MAGI1: variants seen among roughly 807,000 people sequenced by gnomAD.
The protein encoded by MAGI1 is membrane-associated guanylate kinase, WW and PDZ domain-containing protein 1.
In MAGI1, 58 loss-of-function variants were observed where a neutral mutation model predicts 139.9. The ratio of observed to expected loss-of-function variants is 0.41; its 90% CI spans 0.34 to 0.52. The LOEUF is 0.52. MAGI1 is among the 20% of genes least tolerant of loss of function. The pLI, the probability that MAGI1 is intolerant of heterozygous loss-of-function variation, is 0.12. For missense variants in MAGI1, 1,874 were observed against 1,901.6 expected, an observed-to-expected ratio of 0.99 and a Z score of 0.27; for synonymous variants, 812 against 737.9, an observed-to-expected ratio of 1.10 and a Z score of -1.63.
intron 2 of MAGI1, among the ~76,000 whole-genome samples, chr3:65,507,079 T>C (rs561049295): frequency 5.9e-5 from 9 of 152,224 alleles, no homozygotes; most frequent in African/African-American, 2.2e-4. Context: ...ATATAACTTC[T>C]TGAAAAAATA....
At position 65,431,929 on chromosome 3, in the gene MAGI1, G is replaced by T. The variant is rs550958649; in HGVS notation, c.1364-1048C>A. On this transcript the variant is annotated intron_variant, in intron 10 of 22. Coordinates refer to ENST00000402939, the MANE Select transcript of MAGI1 (RefSeq NM_001033057.2). ...AATCACTTGAATCCAGGAGGTAGAG[G>T]TTGCAGTGAGCTGAGATTGCGCCAT... Among the ~76,000 whole-genome samples the T allele has an allele frequency of 5.3e-5, 8 of 152,196 alleles. No individual in the cohort carries two copies. The South Asian group carries it at 1.5e-3, about 28-fold the overall frequency.
At chr3:65,764,243 T>C (rs2037291183) in intron 1 of MAGI1, among the ~76,000 whole-genome samples, 1 of 151,928 alleles carries the variant, frequency 6.6e-6, no homozygotes, top group African/African-American at 2.4e-5. Flanking sequence ...AAAAAGAATG[T>C]AGACGTGAAA....
chr3:65,461,644 A>G, intron 5 of MAGI1, among the ~76,000 whole-genome samples: 1 of 151,186 alleles, frequency 6.6e-6, no homozygotes, highest in East Asian at 2.0e-4. Flanking sequence ...GCCCGCCACC[A>G]CGCCTGGCTA....
At chr3:65,597,541 C>T (rs1380481698) in intron 2 of MAGI1, 4 of 408,500 alleles carry the variant, frequency 9.8e-6, no homozygotes, top group Non-Finnish European at 2.0e-5. Flanking sequence ...CCAAACGGGC[C>T]TGCCTGGTGA....
At chr3:66,036,244 G>A (rs1559516482) in intron 1 of MAGI1, among the ~76,000 whole-genome samples, 1 of 152,202 alleles carries the variant, frequency 6.6e-6, no homozygotes, top group Non-Finnish European at 1.5e-5. Context: ...CACTTACTAT[G>A]TACAGGCACT....
Position 65,364,850 on chromosome 3 carries a change from G to C in MAGI1, c.3290+3C>G, listed in dbSNP as rs762225153. 2.5e-6 allele frequency: 4 copies of C among 1,613,822 alleles called. No individual in the cohort carries two copies. The highest frequency in any genetic ancestry group is 3.4e-6 in the Non-Finnish European group (4 of 1,179,826). On this transcript the variant is annotated splice_donor_region_variant and intron_variant, in intron 19 of 22. Coordinates refer to ENST00000402939, the MANE Select transcript of MAGI1 (RefSeq NM_001033057.2). ...TTAACAAAGGAAACCAGTCATGTCT[G>C]ACCTTGTCTCCTGGGTCCCTTGCTG...
At chr3:65,778,228 A>C (rs264116) in intron 1 of MAGI1, among the ~76,000 whole-genome samples, 1 of 151,958 alleles carries the variant, frequency 6.6e-6, no homozygotes. Context: ...TAAGGAGTTC[A>C]AGATCAGGCT....
intron 1 of MAGI1, among the ~76,000 whole-genome samples, chr3:66,027,867 T>G (rs1389204587): frequency 6.6e-6 from 1 of 152,190 alleles, no homozygotes; most frequent in Non-Finnish European, 1.5e-5. Context: ...ACTCTCTAGA[T>G]GCCAGAAGCA....
chr3:65,670,455 T>C (rs1304733463), intron 1 of MAGI1, among the ~76,000 whole-genome samples: 1 of 152,122 alleles, frequency 6.6e-6, no homozygotes, highest in Admixed American at 6.6e-5. Context: ...CTGGCTTTTA[T>C]GTAGGTTTCA....
At chr3:65,722,205 T>C (rs1400103169) in intron 1 of MAGI1, among the ~76,000 whole-genome samples, 4 of 152,174 alleles carry the variant, frequency 2.6e-5, no homozygotes, top group Non-Finnish European at 1.5e-5. Context: ...CTAAACTTAG[T>C]ATGTCGTGAT....
At chr3:65,358,959 G>C (rs532044867) in intron 22 of MAGI1, 27 of 993,536 alleles carry the variant, frequency 2.7e-5, no homozygotes, top group Non-Finnish European at 3.7e-5. Context: ...AAGAACGCAG[G>C]GTGCTCAGAA....
chr3:65,768,376 C>T (rs539729316), intron 1 of MAGI1, among the ~76,000 whole-genome samples: 10 of 152,034 alleles, frequency 6.6e-5, no homozygotes, highest in South Asian at 2.1e-4. Flanking sequence ...GCCAAGATCA[C>T]GCCACTGGAC....
In MAGI1 at chr3:65,952,120, A is replaced by AT. The variant is rs145525223; in HGVS notation, c.313+85875dup. Among the ~76,000 whole-genome samples the AT allele has an allele frequency of 4.3e-3, 655 of 152,208 alleles. 6 individuals are homozygous for AT. Among genetic ancestry groups the AT allele is most frequent in the African/African-American group, 0.015 (607 of 41,510 alleles). On this transcript the variant is annotated intron_variant, in intron 1 of 22. Coordinates refer to ENST00000402939, the MANE Select transcript of MAGI1 (RefSeq NM_001033057.2). ...TAGGGGTTAGTGAAAGTGTAGATAG[A>AT]TAACTCTTAGCCCACCCAAATTTGC...
intron 1 of MAGI1, among the ~76,000 whole-genome samples, chr3:65,897,475 G>C (rs978527394): frequency 2.0e-5 from 3 of 151,940 alleles, no homozygotes; most frequent in Admixed American, 6.6e-5. Flanking sequence ...CTGTGGGGTG[G>C]GGGGCAGGGG....
intron 12 of MAGI1, among the ~76,000 whole-genome samples, chr3:65,422,414 G>A (rs577197833): frequency 1.3e-5 from 2 of 152,100 alleles, no homozygotes; most frequent in African/African-American, 4.8e-5. Flanking sequence ...AAACAGACCC[G>A]GGTTCAGAGT....
chr3:65,634,089 C>T (rs1181089439), intron 1 of MAGI1, among the ~76,000 whole-genome samples: 1 of 152,170 alleles, frequency 6.6e-6, no homozygotes, highest in African/African-American at 2.4e-5. Flanking sequence ...AATGAGATTA[C>T]TAGTCTCATT....
intron 2 of MAGI1, among the ~76,000 whole-genome samples, chr3:65,583,733 T>C (rs913653655): frequency 3.3e-5 from 5 of 152,242 alleles, no homozygotes; most frequent in Admixed American, 1.3e-4. Flanking sequence ...TGAAGAAGAA[T>C]AGGGCTCTTT....
At chr3:65,448,082 G>A in intron 6 of MAGI1, 25 bp from the exon 7 acceptor site, 2 of 1,613,224 alleles carry the variant, frequency 1.2e-6, no homozygotes, top group Non-Finnish European at 1.7e-6. Context: ...TAGCAGGAAT[G>A]AGACAGAAAA....
At chr3:65,819,770 A>G (rs1305381298) in intron 1 of MAGI1, among the ~76,000 whole-genome samples, 1 of 149,626 alleles carries the variant, frequency 6.7e-6, no homozygotes, top group Non-Finnish European at 1.5e-5. Context: ...CCAGCTGCTC[A>G]GGAGGCTGAG....
Sources: allele counts gnomAD v4.1 joint callset (sites outside exome capture counted in the v4.1 genomes callset), GRCh38; gene constraint gnomAD v4.1.1; transcripts MANE v1.5; gene names NCBI Gene and HGNC (gene_info 2026-07-23, HGNC 2026-07-21).